The following EML4 variants were observed in gnomAD, a reference collection of about 807,000 sequenced individuals.
EML4 encodes the protein EMAP like 4.
In EML4, 72 loss-of-function variants were observed where a neutral mutation model predicts 129.0. That is an observed-to-expected ratio of 0.56 (90% confidence interval 0.46 to 0.68). The LOEUF (loss-of-function observed/expected upper bound fraction) is 0.68. Among genes scored for constraint, EML4 ranks in the 30% least tolerant of loss-of-function variants. The pLI is 0.00. For synonymous variants in EML4, 532 were observed against 405.0 expected, an observed-to-expected ratio of 1.31 and a Z score of -3.77; for missense variants, 1,363 against 1,190.6, an observed-to-expected ratio of 1.14 and a Z score of -2.13.
intron 1 of EML4, among the ~76,000 whole-genome samples, chr2:42,183,091 G>C (rs137894746): frequency 6.6e-6 from 1 of 152,170 alleles, no homozygotes; most frequent in Non-Finnish European, 1.5e-5. Context: ...GGAGGTGGAG[G>C]TTGCAGTGAG....
intron 1 of EML4, among the ~76,000 whole-genome samples, chr2:42,185,183 A>G (rs542203312): frequency 4.6e-5 from 7 of 152,258 alleles, no homozygotes; most frequent in Admixed American, 2.0e-4. Flanking sequence ...TTGACAGACT[A>G]CCACCTTCTG....
At chr2:42,323,973 AAGTCTT>A (rs949228593) in intron 19 of EML4, among the ~76,000 whole-genome samples, 1 of 147,500 alleles carries the variant, frequency 6.8e-6, no homozygotes, top group African/African-American at 2.5e-5. Flanking sequence ...GAAAAAGAAA[AAGTCTT>A]AGAGGAAGAA....
chr2:42,211,094 G>C (rs1318073043), intron 1 of EML4, among the ~76,000 whole-genome samples: 2 of 152,132 alleles, frequency 1.3e-5, no homozygotes, highest in East Asian at 3.9e-4. Context: ...TTTAGTATTT[G>C]CTTTAACATT....
At chr2:42,258,788 G>T (rs1160234416) in intron 3 of EML4, among the ~76,000 whole-genome samples, 1 of 152,188 alleles carries the variant, frequency 6.6e-6, no homozygotes, top group Non-Finnish European at 1.5e-5. Context: ...GTTATCAGAA[G>T]TGCATCAGGT....
At chr2:42,310,815 A>G (rs997135213) in intron 17 of EML4, among the ~76,000 whole-genome samples, 3 of 152,224 alleles carry the variant, frequency 2.0e-5, no homozygotes, top group African/African-American at 4.8e-5. Flanking sequence ...TAATTTGTAG[A>G]AAATCCCCTT....
At chr2:42,190,629 AG>A (rs2103897320) in intron 1 of EML4, among the ~76,000 whole-genome samples, 1 of 152,318 alleles carries the variant, frequency 6.6e-6, no homozygotes, top group Admixed American at 6.5e-5. Context: ...GACATTGGAA[AG>A]GTAGAGACTA....
intron 17 of EML4, among the ~76,000 whole-genome samples, chr2:42,310,322 T>TCCCTTCCCCTTCTCCTTC (rs1668864803): frequency 6.6e-6 from 1 of 150,964 alleles, no homozygotes; most frequent in African/African-American, 2.4e-5. Context: ...CCTTTCCCTT[T>TCCCTTCCCCTTCTCCTTC]CCCTTCCCCT....
chr2:42,184,120 A>G (rs1217510406), intron 1 of EML4, among the ~76,000 whole-genome samples: 2 of 152,212 alleles, frequency 1.3e-5, no homozygotes, highest in Non-Finnish European at 2.9e-5. Flanking sequence ...AGCAACAAAG[A>G]AAGAGTTGTT....
At chr2:42,215,893 G>A (rs552446324) in intron 1 of EML4, among the ~76,000 whole-genome samples, 13 of 151,954 alleles carry the variant, frequency 8.6e-5, no homozygotes, top group African/African-American at 3.1e-4. Flanking sequence ...TAAGATCTTT[G>A]TAAGAAAAGG....
intron 1 of EML4, among the ~76,000 whole-genome samples, chr2:42,220,321 C>T (rs997013579): frequency 2.6e-5 from 4 of 151,122 alleles, no homozygotes; most frequent in Non-Finnish European, 4.4e-5. Context: ...TTTCCAACAG[C>T]ATGTGTACCC....
chr2:42,198,000 A>G (rs10171919), intron 1 of EML4, among the ~76,000 whole-genome samples: 95,535 of 152,080 alleles, frequency 0.63, 30,686 homozygotes, highest in East Asian at 0.75. Flanking sequence ...GTAGCCTTGG[A>G]CAAGTTATTT....
intron 1 of EML4, among the ~76,000 whole-genome samples, chr2:42,185,378 A>G (rs1171201252): frequency 6.6e-6 from 1 of 152,248 alleles, no homozygotes; most frequent in Non-Finnish European, 1.5e-5. Context: ...CTGCTGTCAC[A>G]TGACACTGGC....
At chr2:42,252,159 G>A (rs189668986) in intron 2 of EML4, among the ~76,000 whole-genome samples, 1 of 152,300 alleles carries the variant, frequency 6.6e-6, no homozygotes, top group Admixed American at 6.5e-5. Flanking sequence ...GCAGTTCTTA[G>A]TGATAACTTT....
chr2:42,208,704 A>G (rs996706981), intron 1 of EML4, among the ~76,000 whole-genome samples: 2 of 151,542 alleles, frequency 1.3e-5, no homozygotes, highest in African/African-American at 4.8e-5. Flanking sequence ...AAGTGCTGGG[A>G]TTACAGGCAT....
chr2:42,324,266 G>C (rs555517697), intron 19 of EML4, among the ~76,000 whole-genome samples: 80 of 152,150 alleles, frequency 5.3e-4, no homozygotes, highest in Non-Finnish European at 1.0e-3. Flanking sequence ...CTGCACTCCA[G>C]ACTGGGCAAC....
chr2:42,268,512 A>G (rs762014544), intron 6 of EML4, among the ~76,000 whole-genome samples: 3 of 152,098 alleles, frequency 2.0e-5, no homozygotes, highest in Admixed American at 6.6e-5. Context: ...ATCATAACTC[A>G]CTGCAGCCTT....
At chr2:42,249,441 G>A (rs779503992) in intron 2 of EML4, among the ~76,000 whole-genome samples, 9 of 152,068 alleles carry the variant, frequency 5.9e-5, no homozygotes, top group Middle Eastern at 3.2e-3. Context: ...GATAAATAGG[G>A]TAGAATCCTT....
At position 42,295,520 on chromosome 2, in the gene EML4, C is replaced by T. The variant is rs1210386198; in HGVS notation, c.1489+4C>T. ...ACACCTGGGAAAGGACCTAAAGGTA[C>T]AGTATTCTTATATTAAACTCATTTC... On this transcript the variant is annotated splice_donor_region_variant and intron_variant, in intron 13 of 22. Transcript: ENST00000318522. The T allele has an allele frequency of 6.2e-7, 1 of 1,608,984 alleles. No individual in the cohort carries two copies. The highest frequency in any genetic ancestry group is 2.2e-5 in the East Asian group (1 of 44,826).
intron 1 of EML4, among the ~76,000 whole-genome samples, chr2:42,227,279 G>GT (rs1012505782): frequency 2.6e-5 from 4 of 151,612 alleles, no homozygotes; most frequent in Middle Eastern, 3.4e-3. Flanking sequence ...CATACACCTG[G>GT]TTTTTTTTAA....
Sources: allele counts gnomAD v4.1 joint callset (sites outside exome capture counted in the v4.1 genomes callset), GRCh38; gene constraint gnomAD v4.1.1; transcripts MANE v1.5; gene names NCBI Gene and HGNC (gene_info 2026-07-23, HGNC 2026-07-21).